Variants in TBXAS1 observed in about 807,000 individuals in gnomAD.
TBXAS1 encodes the protein thromboxane A synthase 1, also known as thromboxane-A synthase.
A neutral mutation model predicts 60.7 loss-of-function variants in TBXAS1; 48 were observed. That is an observed-to-expected ratio of 0.79 (90% confidence interval 0.63 to 1.01). The LOEUF (loss-of-function observed/expected upper bound fraction) is 1.01. Among genes scored for constraint, TBXAS1 ranks in the 50% least tolerant of loss-of-function variants. The probability of loss-of-function intolerance (pLI) is 0.00; values close to 1 mark genes in which losing one functional copy is unlikely to be tolerated. For missense variants in TBXAS1, 685 were observed against 686.3 expected (o/e 1.00, Z 0.02); for synonymous variants, 287 against 269.7 (o/e 1.06, Z -0.63).
At chr7:139,897,056 A>T (rs528539881) in intron 3 of TBXAS1, among the ~76,000 whole-genome samples, 2 of 152,194 alleles carry the variant, frequency 1.3e-5, no homozygotes, top group Non-Finnish European at 2.9e-5. Flanking sequence ...AATACAGCAC[A>T]CTGCGTTGAC....
At chr7:139,979,071 G>A (rs1811777641) in intron 9 of TBXAS1, among the ~76,000 whole-genome samples, 1 of 152,238 alleles carries the variant, frequency 6.6e-6, no homozygotes, top group Non-Finnish European at 1.5e-5. Context: ...GAGCTCCTGG[G>A]AGTTATCTTG....
intron 4 of TBXAS1, among the ~76,000 whole-genome samples, chr7:139,925,014 T>C (rs1191431318): frequency 6.6e-6 from 1 of 152,246 alleles, no homozygotes; most frequent in Admixed American, 6.5e-5. Context: ...CATTGGTCTA[T>C]GTGTCTGGTT....
At chr7:139,794,498 T>C (rs1181273436) in intron 4 of TBXAS1, among the ~76,000 whole-genome samples, 1 of 151,752 alleles carries the variant, frequency 6.6e-6, no homozygotes, top group Non-Finnish European at 1.5e-5. Flanking sequence ...TAGCCAATCT[T>C]CTGTCTTCTC....
rs2116656837 is a variant in TBXAS1 at position 139,852,290 on chromosome 7, A to G, written c.90-19945A>G. Among the ~76,000 whole-genome samples the G allele has an allele frequency of 6.6e-6, 1 of 152,328 alleles. No homozygotes were observed. The highest frequency in any genetic ancestry group is 2.1e-4 in the South Asian group (1 of 4,828). ...AGGCAGGGTCAGGACTGAGGACTCT[A>G]ATAATGGAAGGGATTATAAGTTGCA... On this transcript the variant is annotated intron_variant, in intron 1 of 12. Coordinates refer to ENST00000448866, the MANE Select transcript of TBXAS1 (RefSeq NM_001061.7). The surrounding 1 kb of genome is among the most constrained non-coding windows in gnomAD (Gnocchi z 4.4).
At chr7:139,905,020 TTTC>T (rs1317462116) in intron 3 of TBXAS1, among the ~76,000 whole-genome samples, 4 of 75,688 alleles carry the variant, frequency 5.3e-5, no homozygotes, top group African/African-American at 3.1e-4. Context: ...TCTTTCTTTC[TTTC>T]TTTCTTTCTT....
intron 9 of TBXAS1, among the ~76,000 whole-genome samples, chr7:139,967,731 C>T (rs935784725): frequency 6.6e-6 from 1 of 152,168 alleles, no homozygotes; most frequent in African/African-American, 2.4e-5. Context: ...GGTTGATCCC[C>T]AAATCACTCT....
At position 140,020,166 on chromosome 7, in the gene TBXAS1, C is replaced by G. The variant is rs751489459; in HGVS notation, c.*67C>G. 1.3e-6 allele frequency: 2 copies of G among 1,528,858 alleles called. No individual in the cohort carries two copies. Among genetic ancestry groups the G allele is most frequent in the Non-Finnish European group, 1.8e-6 (2 of 1,103,978 alleles). 94.7% of individuals were successfully genotyped at this position (1,528,858 alleles called of 1,614,324 possible). On this transcript the variant is annotated 3_prime_UTR_variant, in exon 13 of 13. Transcript: ENST00000448866. ...AAAGAAAACCCTAAGTGTGGATGTT[C>G]AGAATTTTGGAAAAATGTCACTGAA...
intron 10 of TBXAS1, among the ~76,000 whole-genome samples, chr7:140,011,055 T>A (rs938287309): frequency 1.7e-4 from 25 of 150,086 alleles, no homozygotes; most frequent in African/African-American, 4.9e-4. Flanking sequence ...GGAGGGAAGA[T>A]CACTTGAGTT....
At chr7:139,866,428 A>G (rs564515357) in intron 1 of TBXAS1, among the ~76,000 whole-genome samples, 2 of 152,234 alleles carry the variant, frequency 1.3e-5, no homozygotes, top group South Asian at 2.1e-4. Flanking sequence ...TCCTTATGTT[A>G]AATGAAAAAA....
chr7:139,943,303 G>A (rs555403697), intron 5 of TBXAS1, among the ~76,000 whole-genome samples: 16 of 152,236 alleles, frequency 1.1e-4, no homozygotes, highest in African/African-American at 2.9e-4. Context: ...GGAATAGCTG[G>A]GTATTTATCT....
At chr7:139,829,931 G>T in intron 1 of TBXAS1, among the ~76,000 whole-genome samples, 1 of 152,184 alleles carries the variant, frequency 6.6e-6, no homozygotes, top group Non-Finnish European at 1.5e-5. Context: ...CTCTTTGCAG[G>T]AAGTCATTGA....
chr7:139,850,004 A>G (rs997774331), intron 1 of TBXAS1, among the ~76,000 whole-genome samples: 2 of 152,246 alleles, frequency 1.3e-5, no homozygotes, highest in Non-Finnish European at 2.9e-5. Context: ...CTGGGTTATT[A>G]AGGAAAAAAT....
At chr7:139,816,405 A>G (rs1027212769) in intron 4 of TBXAS1, among the ~76,000 whole-genome samples, 3 of 152,172 alleles carry the variant, frequency 2.0e-5, no homozygotes, top group African/African-American at 7.2e-5. Context: ...TGCTGCCCAA[A>G]TACAGCAGCT....
At chr7:139,870,426 G>A (rs1187569234) in intron 1 of TBXAS1, among the ~76,000 whole-genome samples, 3 of 152,118 alleles carry the variant, frequency 2.0e-5, no homozygotes, top group Non-Finnish European at 1.5e-5. Flanking sequence ...ACATAGACAC[G>A]AATTTGAGGA....
intron 3 of TBXAS1, among the ~76,000 whole-genome samples, chr7:139,877,179 G>T (rs1276265542): frequency 6.6e-6 from 1 of 152,222 alleles, no homozygotes; most frequent in Admixed American, 6.5e-5. Flanking sequence ...GAGCAGGGAG[G>T]TGTACTCCTC....
chr7:140,012,975 G>A (rs373253604), intron 10 of TBXAS1, among the ~76,000 whole-genome samples: 1 of 152,024 alleles, frequency 6.6e-6, no homozygotes, highest in Non-Finnish European at 1.5e-5. Context: ...GGGTTACAGA[G>A]GTTTAAGGTA....
At chr7:139,939,905 G>C (rs1808143478) in intron 5 of TBXAS1, among the ~76,000 whole-genome samples, 1 of 152,300 alleles carries the variant, frequency 6.6e-6, no homozygotes, top group Middle Eastern at 3.4e-3. Context: ...ACGAAAAAGT[G>C]CACAGCAAAG....
chr7:139,804,030 A>G (rs1290482694), intron 4 of TBXAS1, among the ~76,000 whole-genome samples: 1 of 152,196 alleles, frequency 6.6e-6, no homozygotes, highest in African/African-American at 2.4e-5. Flanking sequence ...GAAGGCCACC[A>G]TCCTCCAGAC....
intron 3 of TBXAS1, among the ~76,000 whole-genome samples, chr7:139,885,358 T>C (rs1446355176): frequency 6.6e-6 from 1 of 152,220 alleles, no homozygotes; most frequent in Non-Finnish European, 1.5e-5. Context: ...AAATTCCACA[T>C]TTAATTGAAG....
Sources: gnomAD v4.1 joint callset for allele counts (sites outside exome capture counted in the v4.1 genomes callset) on GRCh38, gnomAD v4.1.1 for gene constraint, Gnocchi (gnomAD v3.1) non-coding constraint, MANE v1.5 for transcripts, NCBI Gene and HGNC (gene_info 2026-07-23, HGNC 2026-07-21) for gene names.